Variants in ABLIM2 observed in about 807,000 individuals in gnomAD.
The protein encoded by ABLIM2 is actin binding LIM protein family member 2, also known as actin-binding LIM protein 2.
Under a neutral mutation model 97.7 loss-of-function variants are expected in ABLIM2, and 53 were observed. The observed-to-expected ratio is 0.54, with a 90% CI of 0.44 to 0.68. The LOEUF is 0.68. Ranked by LOEUF, ABLIM2 falls within the 30% of genes least tolerant of loss-of-function variation. ABLIM2 has a pLI of 0.00. For synonymous variants in ABLIM2, 361 were observed against 345.8 expected (o/e 1.04, Z -0.49); for missense variants, 835 against 867.2 (o/e 0.96, Z 0.47).
rs1431683816 is a variant in ABLIM2 at position 8,033,118 on chromosome 4, G to A, written c.1047+3031C>T. On this transcript the variant is annotated intron_variant, in intron 10 of 20. Transcript: ENST00000447017. This position sits in a 1 kb window ranked among gnomAD's most constrained non-coding sequence, Gnocchi z 4.5. ...GGTGACCAGAAGCCTTTGGGTTGGA[G>A]ACGGCTCTGCCGTGGGGGTCCTGGG... Among the ~76,000 whole-genome samples the A allele has an allele frequency of 6.6e-6, 1 of 152,208 alleles. No homozygotes were observed. The highest frequency in any genetic ancestry group is 1.9e-4 in the East Asian group (1 of 5,176).
intron 5 of ABLIM2, among the ~76,000 whole-genome samples, chr4:8,078,121 C>T (rs1363365931): frequency 6.6e-6 from 1 of 152,150 alleles, no homozygotes; most frequent in Non-Finnish European, 1.5e-5. Context: ...AGTAAGGGCA[C>T]CCACATTGGG....
intron 10 of ABLIM2, among the ~76,000 whole-genome samples, chr4:8,030,129 G>A (rs529310602): frequency 6.6e-6 from 1 of 152,302 alleles, no homozygotes; most frequent in South Asian, 2.1e-4. Context: ...TTAGAACACA[G>A]TGTGAGAACC....
intron 1 of ABLIM2, among the ~76,000 whole-genome samples, chr4:8,108,205 G>T (rs1337149552): frequency 2.0e-5 from 3 of 152,254 alleles, no homozygotes; most frequent in Admixed American, 1.3e-4. Flanking sequence ...GAGGCACCAA[G>T]CCCCTCCCCT....
chr4:7,984,172 C>T (rs984711311), intron 18 of ABLIM2, among the ~76,000 whole-genome samples: 1 of 152,200 alleles, frequency 6.6e-6, no homozygotes, highest in Admixed American at 6.5e-5. Flanking sequence ...AAGGGAGACC[C>T]CGTGTCGGGA....
intron 1 of ABLIM2, among the ~76,000 whole-genome samples, chr4:8,107,916 T>C (rs1838278231): frequency 6.6e-6 from 1 of 152,118 alleles, no homozygotes; most frequent in Non-Finnish European, 1.5e-5. Flanking sequence ...AGATGACACA[T>C]TGCTGGCTTT....
chr4:8,023,956 C>A lies in ABLIM2; in HGVS notation c.1268-3653G>T, dbSNP rs1040842650. On this transcript the variant is annotated intron_variant, in intron 12 of 20. Coordinates refer to ENST00000447017, the MANE Select transcript of ABLIM2 (RefSeq NM_001130083.2). This position sits in a 1 kb window ranked among gnomAD's most constrained non-coding sequence, Gnocchi z 5.7. ...AGAGAGGCCAGCTGGTGGCCACGGG[C>A]AGGCCAGGTAGGATGATGCCCATGC... Among the ~76,000 whole-genome samples, 2 of 152,190 alleles carry A rather than the reference C, an allele frequency of 1.3e-5. No individual in the cohort carries two copies. The highest frequency in any genetic ancestry group is 2.9e-5 in the Non-Finnish European group (2 of 68,032).
intron 2 of ABLIM2, among the ~76,000 whole-genome samples, chr4:8,106,234 G>A (rs1249859916): frequency 6.6e-6 from 1 of 152,186 alleles, no homozygotes; most frequent in Non-Finnish European, 1.5e-5. Context: ...CTCTGAGGCT[G>A]GGTGCAGCCA....
At chr4:8,121,395 C>T (rs2152872542) in intron 1 of ABLIM2, among the ~76,000 whole-genome samples, 1 of 152,348 alleles carries the variant, frequency 6.6e-6, no homozygotes, top group African/African-American at 2.4e-5. Flanking sequence ...CCAGGCGCCC[C>T]CGGCACCCAC....
At chr4:8,012,241 C>T (rs1765460639) in intron 14 of ABLIM2, among the ~76,000 whole-genome samples, 1 of 151,152 alleles carries the variant, frequency 6.6e-6, no homozygotes, top group Non-Finnish European at 1.5e-5. Flanking sequence ...ATCCAGCCAG[C>T]CAGGCACCCA....
In ABLIM2 at chr4:7,992,571, C is replaced by T. The variant is rs13137827; in HGVS notation, c.1680+295G>A. Among the ~76,000 whole-genome samples the T allele has an allele frequency of 0.12, 18,231 of 152,094 alleles. 1,245 individuals are homozygous for T. Among genetic ancestry groups the T allele is most frequent in the Non-Finnish European group, 0.16 (10,699 of 67,962 alleles). On this transcript the variant is annotated intron_variant, in intron 17 of 20. Transcript: ENST00000447017. This position sits in a 1 kb window ranked among gnomAD's most constrained non-coding sequence, Gnocchi z 5.7. ...GGTTAGGAGGGGCATCTTGGAGCTG[C>T]GCCTGATCACTCTGGGTGGCCCTTG...
At chr4:8,056,750 G>C (rs1417053879) in intron 7 of ABLIM2, among the ~76,000 whole-genome samples, 3 of 151,642 alleles carry the variant, frequency 2.0e-5, no homozygotes, top group Non-Finnish European at 4.4e-5. Flanking sequence ...GGCTAACATG[G>C]TGAAACCCCG....
chr4:8,100,689 T>G (rs1212289310), intron 2 of ABLIM2, among the ~76,000 whole-genome samples: 1 of 137,920 alleles, frequency 7.3e-6, no homozygotes, highest in Non-Finnish European at 1.5e-5. Context: ...GAGATTGCGG[T>G]GAGCCAAGAT....
intron 2 of ABLIM2, among the ~76,000 whole-genome samples, chr4:8,105,186 T>C (rs1836659746): frequency 6.6e-6 from 1 of 152,200 alleles, no homozygotes; most frequent in African/African-American, 2.4e-5. Flanking sequence ...GCCAGGCAGA[T>C]TTCTACTCCC....
rs1819251909 is a variant in ABLIM2 at position 8,080,670 on chromosome 4, A to AC, written c.581+5dup. ...AGGCTCTCACTAGAGCCCTCCCCCC[A>AC]CTTACTTGCTGATGTACTCGGCATT... On this transcript the variant is annotated splice_donor_region_variant and intron_variant, in intron 5 of 20. Coordinates refer to ENST00000447017, the MANE Select transcript of ABLIM2 (RefSeq NM_001130083.2). 6.3e-7 allele frequency: 1 copy of AC among 1,598,590 alleles called. No individual in the cohort carries two copies. The highest frequency in any genetic ancestry group is 1.3e-5 in the African/African-American group (1 of 74,792).
In ABLIM2 at chr4:8,019,812, C is replaced by T. The variant is rs931001812; in HGVS notation, c.1370-141G>A. On this transcript the variant is annotated intron_variant, in intron 13 of 20. Coordinates refer to ENST00000447017, the MANE Select transcript of ABLIM2 (RefSeq NM_001130083.2). This position sits in a 1 kb window ranked among gnomAD's most constrained non-coding sequence, Gnocchi z 4.3. ...CAGGCAGGAACTGGCACCCAGCGAG[C>T]GACAGACACCCAGGCCCCAGATCAA... 12 of 806,598 alleles carry T rather than the reference C, an allele frequency of 1.5e-5. No individual in the cohort carries two copies. Among genetic ancestry groups the T allele is most frequent in the African/African-American group, 3.5e-5 (2 of 57,112 alleles). The allele number at this position is 806,598 out of a possible 1,614,324, so 50.0% of individuals were successfully genotyped here.
At chr4:8,045,572 C>T (rs572616610) in intron 8 of ABLIM2, among the ~76,000 whole-genome samples, 1 of 152,292 alleles carries the variant, frequency 6.6e-6, no homozygotes, top group East Asian at 1.9e-4. Context: ...TCGCTTAAAC[C>T]TGGGAGGCGG....
intron 6 of ABLIM2, among the ~76,000 whole-genome samples, chr4:8,063,159 G>A (rs561835720): frequency 1.1e-4 from 16 of 152,176 alleles, no homozygotes; most frequent in Non-Finnish European, 1.8e-4. Context: ...TCTGCCTCCC[G>A]GGTTCAAGTG....
chr4:8,077,857 C>G, intron 5 of ABLIM2, 136 bp from the exon 6 acceptor site: 1 of 698,726 alleles, frequency 1.4e-6, no homozygotes, highest in Non-Finnish European at 2.5e-6. Context: ...AACAATGCTT[C>G]CAACAGGCAG....
Position 8,005,258 on chromosome 4 carries a change from T to C in ABLIM2, c.1618+2801A>G. 1.9e-6 allele frequency: 1 copy of C among 515,878 alleles called. No individual in the cohort carries two copies. Among genetic ancestry groups the C allele is most frequent in the Non-Finnish European group, 4.0e-6 (1 of 247,242 alleles). 32.0% of individuals were successfully genotyped at this position (515,878 alleles called of 1,614,324 possible). A position where few individuals can be genotyped will look rare whatever the true frequency, so the allele number is the denominator to read the frequency against. On this transcript the variant is annotated intron_variant, in intron 16 of 20. Coordinates refer to ENST00000447017, the MANE Select transcript of ABLIM2 (RefSeq NM_001130083.2). This position sits in a 1 kb window ranked among gnomAD's most constrained non-coding sequence, Gnocchi z 4.9. ...CACGCTTCTCCAGGTCAGGGGCTGC[T>C]CTTGTCTTCTCTGTCCCCCTCGGCG...
Sources: allele counts gnomAD v4.1 joint callset (sites outside exome capture counted in the v4.1 genomes callset), GRCh38; gene constraint gnomAD v4.1.1; non-coding constraint Gnocchi (gnomAD v3.1); transcripts MANE v1.5; gene names NCBI Gene and HGNC (gene_info 2026-07-23, HGNC 2026-07-21).